The following FBRSL1 variants were observed in gnomAD, a reference collection of about 807,000 sequenced individuals.
FBRSL1 encodes the protein fibrosin-1-like protein.
Under a neutral mutation model 89.6 loss-of-function variants are expected in FBRSL1, and 51 were observed. The ratio of observed to expected loss-of-function variants is 0.57; its 90% CI spans 0.45 to 0.72. FBRSL1 has a LOEUF of 0.72. FBRSL1 is among the 30% of genes least tolerant of loss of function. The pLI is 0.00. For synonymous variants in FBRSL1, 779 were observed against 681.1 expected (o/e 1.14, Z -2.24); for missense variants, 1,618 against 1,451.8 (o/e 1.11, Z -1.86).
intron 4 of FBRSL1, among the ~76,000 whole-genome samples, chr12:132,529,985 G>A (rs900630492): frequency 6.6e-6 from 1 of 152,242 alleles, no homozygotes; most frequent in Non-Finnish European, 1.5e-5. Flanking sequence ...ACCCCTCAGA[G>A]GTGGCTGTGG....
At chr12:132,581,974 AC>A in intron 17 of FBRSL1, 87 bp from the exon 18 acceptor site, 1 of 1,327,628 alleles carries the variant, frequency 7.5e-7, no homozygotes, top group Non-Finnish European at 1.0e-6. Context: ...TCAGCCTGGG[AC>A]CCTTCTAAAA....
At chr12:132,500,497 A>G (rs897233266) in intron 1 of FBRSL1, among the ~76,000 whole-genome samples, 2 of 152,060 alleles carry the variant, frequency 1.3e-5, no homozygotes, top group Non-Finnish European at 2.9e-5. Context: ...TGTCCCCCAT[A>G]GGGCCAGCCG....
chr12:132,529,478 C>T (rs564094958), intron 4 of FBRSL1, among the ~76,000 whole-genome samples: 444 of 152,292 alleles, frequency 2.9e-3, no homozygotes, highest in African/African-American at 0.01. Flanking sequence ...ACCCCAGCTC[C>T]CCTGAGGCTG....
chr12:132,583,296 G>A lies in FBRSL1; in HGVS notation c.2527G>A (p.Glu843Lys). 8.8e-7 allele frequency: 1 copy of A among 1,130,778 alleles called. No individual in the cohort carries two copies. Among genetic ancestry groups the A allele is most frequent in the Non-Finnish European group, 1.1e-6 (1 of 896,412 alleles). 70.0% of individuals were successfully genotyped at this position (1,130,778 alleles called of 1,614,324 possible). A position where few individuals can be genotyped will look rare whatever the true frequency, so the allele number is the denominator to read the frequency against. Reference protein sequence around the residue: ...PAPLQLGLGRERLGAPGFAWE... With the variant: ...PAPLQLGLGRKRLGAPGFAWE... Reference sequence around the variant, plus strand: ...GCCCCTGCAGCTCGGCCTGGGCCGCGAGCGCCTGGGCGCGCCGGGCTTCGC... The same window carrying A: ...GCCCCTGCAGCTCGGCCTGGGCCGCAAGCGCCTGGGCGCGCCGGGCTTCGC... Residue 843 changes from glutamate (E) to lysine (K), a missense_variant, in exon 19 of 19, where the codon GAG becomes AAG. Transcript: ENST00000680143.
In FBRSL1 at chr12:132,573,915, G is replaced by A. The variant is rs147335846; in HGVS notation, c.1531-175G>A. The stretch of plus-strand genomic sequence containing the variant: ...GCTTCCCACCTTTGCAGAAACTGGC[G>A]GGCCAAAAGTGTGGTGGTCCTGCGA... On this transcript the variant is annotated intron_variant, in intron 11 of 18. Transcript: ENST00000680143. Among the ~76,000 whole-genome samples, 180 of 152,286 alleles carry A rather than the reference G, an allele frequency of 1.2e-3. 1 individual carries two copies. Among genetic ancestry groups the A allele is most frequent in the African/African-American group, 3.9e-3 (163 of 41,566 alleles).
intron 2 of FBRSL1, among the ~76,000 whole-genome samples, chr12:132,517,459 G>C (rs1382089234): frequency 6.6e-6 from 1 of 152,112 alleles, no homozygotes; most frequent in East Asian, 1.9e-4. Context: ...TGTACTTTTG[G>C]TCATTCCGCC....
At chr12:132,549,158 G>T (rs574075529) in intron 5 of FBRSL1, among the ~76,000 whole-genome samples, 1 of 152,200 alleles carries the variant, frequency 6.6e-6, no homozygotes, top group South Asian at 2.1e-4. Context: ...GCCAGAGGCC[G>T]CACCGTCGCC....
rs925039580 is a variant in FBRSL1 at position 132,507,444 on chromosome 12, C to T, written c.292-709C>T. ...GTGGGGACCCCAGAACCTGGGGCTGCCCGATGTCCACCGGCAGGGCGGAGG... is the reference window on the plus strand; with the variant it reads ...GTGGGGACCCCAGAACCTGGGGCTGTCCGATGTCCACCGGCAGGGCGGAGG... On this transcript the variant is annotated intron_variant, in intron 1 of 18. Transcript: ENST00000680143. The T allele has an allele frequency of 4.1e-6, 4 of 984,574 alleles. No individual in the cohort carries two copies. In the African/African-American group the frequency reaches 7.0e-5, roughly 17 times the overall value. The allele number at this position is 984,574 out of a possible 1,614,324, so 61.0% of individuals were successfully genotyped here. A position where few individuals can be genotyped will look rare whatever the true frequency, so the allele number is the denominator to read the frequency against.
chr12:132,583,449 A>C lies in FBRSL1; in HGVS notation c.2680A>C (p.Ser894Arg). 9.4e-7 allele frequency: 1 copy of C among 1,063,376 alleles called. No individual in the cohort carries two copies. The highest frequency in any genetic ancestry group is 2.9e-5 in the South Asian group (1 of 34,028). The allele number at this position is 1,063,376 out of a possible 1,614,324, so 65.9% of individuals were successfully genotyped here. ...CCGCGACCGCGAGCCCCACGGCTAC[A>C]GCCCCGAGCGCCTGCGCGGGGAGCT... The part of the protein sequence containing the change: ...PYRDREPHGY[S>R]PERLRGELER... The change falls in exon 19 of 19, where the codon AGC (serine) becomes CGC (arginine). Residue 894 changes from serine (S) to arginine (R), a missense_variant. Transcript: ENST00000680143.
chr12:132,515,253 T>C (rs1327956110), intron 2 of FBRSL1, among the ~76,000 whole-genome samples: 2 of 152,140 alleles, frequency 1.3e-5, no homozygotes, highest in African/African-American at 4.8e-5. Flanking sequence ...TCTTTCCCCA[T>C]TTCAGTGGGT....
chr12:132,503,582 C>T (rs1593255903), intron 1 of FBRSL1, among the ~76,000 whole-genome samples: 1 of 152,226 alleles, frequency 6.6e-6, no homozygotes, highest in Admixed American at 6.5e-5. Context: ...TAGACCCAGT[C>T]CCCACACGGG....
intron 4 of FBRSL1, among the ~76,000 whole-genome samples, chr12:132,540,386 C>T (rs1011037528): frequency 2.7e-5 from 4 of 146,400 alleles, no homozygotes; most frequent in East Asian, 2.1e-4. Context: ...CACCTCCCCT[C>T]GGCCTTGGGC....
At chr12:132,548,660 T>C (rs982710625) in intron 5 of FBRSL1, among the ~76,000 whole-genome samples, 3 of 152,164 alleles carry the variant, frequency 2.0e-5, no homozygotes, top group Non-Finnish European at 2.9e-5. Context: ...CGTCACCTGC[T>C]GTGGCCGAGG....
chr12:132,524,794 C>T (rs1321620725), intron 2 of FBRSL1, among the ~76,000 whole-genome samples: 1 of 152,224 alleles, frequency 6.6e-6, no homozygotes. Context: ...CCAGCAGGAG[C>T]TCTGGCCTCT....
At chr12:132,577,819 C>T (rs943430851) in intron 15 of FBRSL1, among the ~76,000 whole-genome samples, 14 of 152,280 alleles carry the variant, frequency 9.2e-5, no homozygotes, top group Non-Finnish European at 2.1e-4. Context: ...GTCTGGGTGC[C>T]TAGAGGCTGG....
intron 1 of FBRSL1, among the ~76,000 whole-genome samples, chr12:132,505,467 C>T (rs1314795342): frequency 6.6e-6 from 1 of 152,156 alleles, no homozygotes; most frequent in Non-Finnish European, 1.5e-5. Context: ...TGTCCCGGCC[C>T]CACCCCCACC....
intron 4 of FBRSL1, among the ~76,000 whole-genome samples, chr12:132,528,621 T>C (rs970765921): frequency 4.0e-5 from 6 of 149,716 alleles, no homozygotes; most frequent in Non-Finnish European, 6.0e-5. Context: ...GGAGCGGGTG[T>C]GTGTCCGGGG....
At chr12:132,545,705 GA>G (rs760084512) in intron 4 of FBRSL1, among the ~76,000 whole-genome samples, 37 of 152,216 alleles carry the variant, frequency 2.4e-4, no homozygotes, top group Non-Finnish European at 4.6e-4. Context: ...TGGGTGCGGG[GA>G]TAAGAGCAGA....
chr12:132,497,512 C>G (rs1312408068), intron 1 of FBRSL1, among the ~76,000 whole-genome samples: 1 of 152,066 alleles, frequency 6.6e-6, no homozygotes, highest in East Asian at 1.9e-4. Context: ...GCTGCCCCCT[C>G]CCTCCGGACT....
Sources: allele counts gnomAD v4.1 joint callset (sites outside exome capture counted in the v4.1 genomes callset), GRCh38; gene constraint gnomAD v4.1.1; transcripts MANE v1.5; gene names NCBI Gene and HGNC (gene_info 2026-07-23, HGNC 2026-07-21).